Variants in ABCB5 observed in about 807,000 individuals in gnomAD.
ABCB5 encodes ATP-binding cassette sub-family B member 5.
Under a neutral mutation model 144.2 loss-of-function variants are expected in ABCB5, and 155 were observed. The observed-to-expected ratio is 1.08, with a 90% CI of 0.94 to 1.23. The LOEUF is 1.23. Among genes scored for constraint, ABCB5 ranks in the 50% most tolerant of loss-of-function variants. The pLI, the probability that ABCB5 is intolerant of heterozygous loss-of-function variation, is 0.00. For missense variants in ABCB5, 1,830 were observed against 1,520.8 expected, an observed-to-expected ratio of 1.20 and a Z score of -3.38; for synonymous variants, 610 against 528.6, an observed-to-expected ratio of 1.15 and a Z score of -2.11.
rs1409517467 is a variant in ABCB5, at chr7:20,723,102, G to A, written c.2508G>A (p.Glu836=). 6.2e-7 allele frequency: 1 copy of A among 1,613,976 alleles called. No homozygotes were observed. The highest frequency in any genetic ancestry group is 2.2e-5 in the East Asian group (1 of 44,876). ...SVIISFIYGW[E]MTFLILSIAP... ...TCATTTCCTTTATATATGGATGGGA[G>A]ATGACATTCCTGATTCTGAGTATTG... is the stretch of plus-strand genomic sequence containing the variant. The change falls in exon 21 of 28, where the codon GAG becomes GAA. Residue 836 remains glutamate, a synonymous_variant. Coordinates refer to ENST00000404938, the MANE Select transcript of ABCB5 (RefSeq NM_001163941.2).
chr7:20,644,745 G>C (rs1287494341), intron 7 of ABCB5, among the ~76,000 whole-genome samples: 1 of 152,178 alleles, frequency 6.6e-6, no homozygotes, highest in African/African-American at 2.4e-5. Context: ...AATTTCCAGA[G>C]TTTATTTACT....
chr7:20,690,931 C>T (rs961839017), intron 16 of ABCB5, among the ~76,000 whole-genome samples: 3 of 152,136 alleles, frequency 2.0e-5, no homozygotes, highest in African/African-American at 7.2e-5. Context: ...GAGATTTTCA[C>T]TTTCAACCAA....
chr7:20,677,335 T>G (rs889158188), intron 14 of ABCB5, among the ~76,000 whole-genome samples: 1 of 152,226 alleles, frequency 6.6e-6, no homozygotes, highest in Non-Finnish European at 1.5e-5. Context: ...AAATGGGGAT[T>G]AAGGATACAG....
At position 20,756,156 on chromosome 7, in the gene ABCB5, T is replaced by C; in HGVS notation, c.*532T>C. On this transcript the variant is annotated 3_prime_UTR_variant, in exon 28 of 28. Coordinates refer to ENST00000404938, the MANE Select transcript of ABCB5 (RefSeq NM_001163941.2). ...CACTATTTCTCTAAATTTTATTCTA[T>C]TTTTTTGTTGAGCAGGGAATAGAAA... 1 of 152,776 alleles carries C rather than the reference T, an allele frequency of 6.5e-6. No homozygotes were observed. The allele number at this position is 152,776 out of a possible 1,614,324, so 9.5% of individuals were successfully genotyped here.
chr7:20,619,301 C>T (rs1291714070), intron 1 of ABCB5, among the ~76,000 whole-genome samples: 1 of 152,306 alleles, frequency 6.6e-6, no homozygotes, highest in African/African-American at 2.4e-5. Flanking sequence ...TACATTCCCA[C>T]CAGCCTTATA....
intron 13 of ABCB5, among the ~76,000 whole-genome samples, chr7:20,653,556 A>C (rs1335838918): frequency 6.6e-6 from 1 of 152,236 alleles, no homozygotes; most frequent in Non-Finnish European, 1.5e-5. Flanking sequence ...AGTCATTTCC[A>C]TGCATTGGAT....
chr7:20,727,347 C>G (rs1782068886), intron 22 of ABCB5, among the ~76,000 whole-genome samples: 1 of 152,146 alleles, frequency 6.6e-6, no homozygotes. Context: ...ATTTTAGGTC[C>G]TCTCACATTA....
chr7:20,733,993 C>G (rs1782306404), intron 23 of ABCB5, among the ~76,000 whole-genome samples: 1 of 152,180 alleles, frequency 6.6e-6, no homozygotes, highest in Non-Finnish European at 1.5e-5. Flanking sequence ...GGTACCCACA[C>G]TTTTGGAGTA....
chr7:20,668,451 G>A (rs1458976432), intron 14 of ABCB5, among the ~76,000 whole-genome samples: 6 of 151,666 alleles, frequency 4.0e-5, no homozygotes, highest in Non-Finnish European at 8.8e-5. Flanking sequence ...CTGCCCGGCC[G>A]CCCCGTCTGA....
chr7:20,652,233 TG>T (rs1784618882), intron 13 of ABCB5, among the ~76,000 whole-genome samples: 1 of 152,106 alleles, frequency 6.6e-6, no homozygotes, highest in South Asian at 2.1e-4. Context: ...AGAAAAACTA[TG>T]ATCATTTTTT....
chr7:20,657,921 G>A (rs533349018), intron 13 of ABCB5, among the ~76,000 whole-genome samples: 7 of 152,148 alleles, frequency 4.6e-5, no homozygotes, highest in Non-Finnish European at 1.0e-4. Context: ...TTTCCTGGGC[G>A]CTAGAAGTTA....
At chr7:20,674,839 TA>T (rs879481196) in intron 14 of ABCB5, among the ~76,000 whole-genome samples, 7 of 149,998 alleles carry the variant, frequency 4.7e-5, no homozygotes, top group Admixed American at 1.3e-4. Flanking sequence ...AAAATCAACA[TA>T]AAAAAATTAG....
intron 14 of ABCB5, among the ~76,000 whole-genome samples, chr7:20,664,906 T>C (rs1562548862): frequency 1.3e-5 from 2 of 152,146 alleles, no homozygotes; most frequent in Non-Finnish European, 2.9e-5. Context: ...CTGGGCAACA[T>C]AGCAAGACCT....
At chr7:20,711,845 TTTTC>T (rs1487011268) in intron 20 of ABCB5, among the ~76,000 whole-genome samples, 7 of 10,228 alleles carry the variant, frequency 6.8e-4, no homozygotes, top group African/African-American at 3.5e-3. Context: ...TCTTTCTTTC[TTTTC>T]TTTCTTTCTT....
intron 12 of ABCB5, 88 bp from the exon 13 acceptor site, chr7:20,651,332 C>T: frequency 1.7e-6 from 2 of 1,170,734 alleles, no homozygotes; most frequent in Non-Finnish European, 2.5e-6. Context: ...TATGCTACTT[C>T]TCAGCTTATA....
At chr7:20,743,177 T>C (rs145821088) in intron 25 of ABCB5, 103 bp downstream of exon 25, 1 of 1,253,948 alleles carries the variant, frequency 8.0e-7, no homozygotes, top group African/African-American at 1.5e-5. Flanking sequence ...GGGCAAACAA[T>C]GCAGAAGTTA....
chr7:20,657,947 T>C (rs950774315), intron 13 of ABCB5, among the ~76,000 whole-genome samples: 1 of 152,172 alleles, frequency 6.6e-6, no homozygotes, highest in African/African-American at 2.4e-5. Flanking sequence ...ACCACAAATA[T>C]GGAAGACAAA....
At position 20,731,369 on chromosome 7, in the gene ABCB5, A is replaced by ATATAT. The variant is rs1554289436; in HGVS notation, c.2867+2914_2867+2915insTATAT. ...CTCCAACTCAGGAAAAAAAAAAAAA[A>ATATAT]ATATATATATATATATACATATAAA... On this transcript the variant is annotated intron_variant, in intron 23 of 27. Coordinates refer to ENST00000404938, the MANE Select transcript of ABCB5 (RefSeq NM_001163941.2). 4.9e-3 allele frequency among the ~76,000 whole-genome samples: 608 copies of ATATAT among 123,036 alleles called. 5 individuals are homozygous for ATATAT. The highest frequency in any genetic ancestry group is 0.027 in the Middle Eastern group (7 of 256). The allele number at this position is 123,036 out of a possible 152,430, so 80.7% of individuals were successfully genotyped here. A position where few individuals can be genotyped will look rare whatever the true frequency, so the allele number is the denominator to read the frequency against.
chr7:20,674,749 TACACACACACACACACAC>T (rs71555815), intron 14 of ABCB5, among the ~76,000 whole-genome samples: 1 of 140,262 alleles, frequency 7.1e-6, no homozygotes, highest in Non-Finnish European at 1.6e-5. Context: ...CTCTAAAGAC[TACACACACACACACACAC>T]ACACACACAC....
Sources: allele counts gnomAD v4.1 joint callset (sites outside exome capture counted in the v4.1 genomes callset), GRCh38; gene constraint gnomAD v4.1.1; transcripts MANE v1.5; gene names NCBI Gene and HGNC (gene_info 2026-07-23, HGNC 2026-07-21).